Variants in NUP93 observed in about 807,000 individuals in gnomAD.
The protein encoded by NUP93 is nuclear pore complex protein Nup93.
In NUP93, 55 loss-of-function variants were observed where a neutral mutation model predicts 107.8. That is an observed-to-expected ratio of 0.51 (90% CI 0.41 to 0.64). The LOEUF is 0.64. Among genes scored for constraint, NUP93 ranks in the 30% least tolerant of loss-of-function variants. The probability of loss-of-function intolerance (pLI) is 0.00; values close to 1 mark genes in which losing one functional copy is unlikely to be tolerated. For synonymous variants in NUP93, 390 were observed against 397.5 expected, an observed-to-expected ratio of 0.98 and a Z score of 0.22; for missense variants, 937 against 1,044.7, an observed-to-expected ratio of 0.90 and a Z score of 1.42.
chr16:56,844,228 C>T (rs1274793678), intron 21 of NUP93, among the ~76,000 whole-genome samples: 1 of 152,166 alleles, frequency 6.6e-6, no homozygotes, highest in Non-Finnish European at 1.5e-5. Flanking sequence ...GGCGAGGCGG[C>T]TTGCCTGGCA....
At position 56,758,947 on chromosome 16, in the gene NUP93, C is replaced by G. The variant is rs1962076437; in HGVS notation, c.297+292C>G. 3.9e-5 allele frequency among the ~76,000 whole-genome samples: 6 copies of G among 152,188 alleles called. No homozygotes were observed. The South Asian group carries it at 1.2e-3, about 31-fold the overall frequency. On this transcript the variant is annotated intron_variant, in intron 3 of 21. Transcript: ENST00000308159. ...CCTTCCTTGGGCTTAATCCAAGGCTCAGAGACATTAGTTGCAAGTTTCTTT... is the reference window on the plus strand; with the variant it reads ...CCTTCCTTGGGCTTAATCCAAGGCTGAGAGACATTAGTTGCAAGTTTCTTT...
At chr16:56,730,500 A>G (rs530634715) in intron 1 of NUP93, among the ~76,000 whole-genome samples, 28 of 151,672 alleles carry the variant, frequency 1.8e-4, no homozygotes, top group African/African-American at 6.8e-4. Flanking sequence ...CCCTCGCGCC[A>G]CGCCCCTGCC....
chr16:56,843,772 G>T (rs1249821517), intron 21 of NUP93, among the ~76,000 whole-genome samples: 2 of 152,192 alleles, frequency 1.3e-5, no homozygotes, highest in African/African-American at 2.4e-5. Flanking sequence ...TTCTGGAATG[G>T]TCCTTAAGTA....
intron 7 of NUP93, among the ~76,000 whole-genome samples, chr16:56,823,318 A>G (rs2043634): frequency 0.037 from 5,680 of 152,316 alleles, 144 homozygotes; most frequent in Middle Eastern, 0.095. Flanking sequence ...AAGGACTGAA[A>G]TGCAGCTCTT....
At chr16:56,740,411 CCA>C (rs1210911605) in intron 1 of NUP93, among the ~76,000 whole-genome samples, 1 of 151,466 alleles carries the variant, frequency 6.6e-6, no homozygotes, top group Non-Finnish European at 1.5e-5. Flanking sequence ...GAGGCGCTCC[CCA>C]CATCTCAGAG....
intron 11 of NUP93, 80 bp downstream of exon 11, chr16:56,832,087 A>G: frequency 3.9e-6 from 6 of 1,522,490 alleles, no homozygotes; most frequent in African/African-American, 1.4e-5. Flanking sequence ...TACCTGCTTA[A>G]TGTATGATGC....
intron 21 of NUP93, 89 bp from the exon 22 acceptor site, chr16:56,844,410 G>A: frequency 1.4e-6 from 1 of 708,154 alleles, no homozygotes; most frequent in Non-Finnish European, 2.1e-6. Flanking sequence ...GAGGATGGAA[G>A]AACATGGAAT....
intron 1 of NUP93, among the ~76,000 whole-genome samples, chr16:56,743,528 A>G (rs1329120477): frequency 6.6e-6 from 1 of 152,066 alleles, no homozygotes; most frequent in Non-Finnish European, 1.5e-5. Flanking sequence ...TATTTTTAGC[A>G]TAGTGGGGTA....
chr16:56,818,838 A>C (rs1963488072), intron 6 of NUP93, 100 bp downstream of exon 6: 1 of 970,676 alleles, frequency 1.0e-6, no homozygotes, highest in East Asian at 2.4e-5. Flanking sequence ...CCCTGAAAGC[A>C]AGTTGTATTT....
intron 4 of NUP93, among the ~76,000 whole-genome samples, chr16:56,799,855 T>C (rs1962983090): frequency 6.6e-6 from 1 of 152,188 alleles, no homozygotes; most frequent in Non-Finnish European, 1.5e-5. Flanking sequence ...TGTTCCAAAG[T>C]CGTTATTTAA....
chr16:56,788,363 C>T (rs1962675637), intron 3 of NUP93, among the ~76,000 whole-genome samples: 1 of 152,212 alleles, frequency 6.6e-6, no homozygotes, highest in African/African-American at 2.4e-5. Flanking sequence ...AATTCCTTTC[C>T]CTATCCCTCT....
intron 4 of NUP93, among the ~76,000 whole-genome samples, chr16:56,802,697 TC>T (rs1963047383): frequency 6.6e-6 from 1 of 152,154 alleles, no homozygotes; most frequent in Admixed American, 6.5e-5. Flanking sequence ...TTCTAACAGT[TC>T]CCCAAAGCTC....
At chr16:56,741,339 T>G (rs1961736156) in intron 1 of NUP93, among the ~76,000 whole-genome samples, 1 of 152,180 alleles carries the variant, frequency 6.6e-6, no homozygotes, top group Admixed American at 6.5e-5. Flanking sequence ...TAAGATAATT[T>G]TATGTATCAA....
intron 3 of NUP93, among the ~76,000 whole-genome samples, chr16:56,768,196 G>GT (rs1310382218): frequency 6.6e-6 from 1 of 152,128 alleles, no homozygotes; most frequent in Non-Finnish European, 1.5e-5. Flanking sequence ...AAATAGTTGT[G>GT]TTTTTTTCTC....
At chr16:56,763,066 G>A (rs933904808) in intron 3 of NUP93, among the ~76,000 whole-genome samples, 2 of 152,096 alleles carry the variant, frequency 1.3e-5, no homozygotes. Flanking sequence ...ATATCTTTTT[G>A]TGGGACACAC....
chr16:56,740,128 C>G (rs1289642875), intron 1 of NUP93, among the ~76,000 whole-genome samples: 1 of 84,480 alleles, frequency 1.2e-5, no homozygotes, highest in African/African-American at 6.4e-5. Context: ...GGGGGGCTGA[C>G]CCCCCCACCT....
intron 5 of NUP93, 200 bp downstream of exon 5, chr16:56,805,832 G>C (rs1281908710): frequency 3.5e-6 from 2 of 579,392 alleles, no homozygotes; most frequent in East Asian, 6.3e-5. Context: ...CCTTTGCTGA[G>C]CTTTCCTCAA....
chr16:56,767,778 C>T (rs1962241015), intron 3 of NUP93, among the ~76,000 whole-genome samples: 1 of 152,130 alleles, frequency 6.6e-6, no homozygotes, highest in Non-Finnish European at 1.5e-5. Context: ...ATGAGCAGGG[C>T]CTGGCGGACC....
chr16:56,802,291 T>G (rs1191104924), intron 4 of NUP93, among the ~76,000 whole-genome samples: 4 of 151,776 alleles, frequency 2.6e-5, no homozygotes, highest in Non-Finnish European at 4.4e-5. Flanking sequence ...CTAAGAAAAT[T>G]ATCTCTTCCC....
Sources: gnomAD v4.1 joint callset for allele counts (sites outside exome capture counted in the v4.1 genomes callset) on GRCh38, gnomAD v4.1.1 for gene constraint, MANE v1.5 for transcripts, NCBI Gene and HGNC (gene_info 2026-07-23, HGNC 2026-07-21) for gene names.